PDE1A: variants seen among roughly 807,000 people sequenced by gnomAD.
PDE1A encodes dual specificity calcium/calmodulin-dependent 3',5'-cyclic nucleotide phosphodiesterase 1A.
PDE1A carries 35 observed loss-of-function variants against 61.7 expected under a neutral mutation model. The ratio of observed to expected loss-of-function variants is 0.57; its 90% CI spans 0.43 to 0.75. PDE1A has a LOEUF of 0.75. PDE1A is among the 30% of genes least tolerant of loss of function. The probability of loss-of-function intolerance (pLI) is 0.00; values close to 1 mark genes in which losing one functional copy is unlikely to be tolerated. For missense variants in PDE1A, 597 were observed against 630.6 expected (o/e 0.95, Z 0.57); for synonymous variants, 232 against 213.2 (o/e 1.09, Z -0.77).
chr2:182,698,735 T>A, the PDE1A span, among the ~76,000 whole-genome samples: 2 of 152,200 alleles, frequency 1.3e-5, no homozygotes, highest in East Asian at 3.8e-4. Flanking sequence ...CCTATTCTTA[T>A]GGAAAAAATA....
chr2:182,587,598 CA>C, the PDE1A span, among the ~76,000 whole-genome samples: 5 of 152,122 alleles, frequency 3.3e-5, no homozygotes, highest in Admixed American at 6.5e-5. Flanking sequence ...TTAGTTCTTT[CA>C]GAATATAAAG....
the PDE1A span, among the ~76,000 whole-genome samples, chr2:182,697,931 A>C: frequency 3.9e-5 from 6 of 152,224 alleles, no homozygotes; most frequent in Non-Finnish European, 7.3e-5. Flanking sequence ...CATTCCAATA[A>C]TAATAAATTT....
downstream of PDE1A, among the ~76,000 whole-genome samples, chr2:182,166,613 G>T (rs1691665323): frequency 6.6e-6 from 1 of 152,124 alleles, no homozygotes; most frequent in South Asian, 2.1e-4. Flanking sequence ...TCTCCAGCTT[G>T]CAGATGGCCC....
At chr2:182,579,608 T>C in the PDE1A span, among the ~76,000 whole-genome samples, 1 of 152,124 alleles carries the variant, frequency 6.6e-6, no homozygotes, top group Non-Finnish European at 1.5e-5. Context: ...TATGAGTATA[T>C]AGAGCCACTT....
At chr2:182,624,112 G>A in the PDE1A span, among the ~76,000 whole-genome samples, 12 of 132,320 alleles carry the variant, frequency 9.1e-5, no homozygotes, top group African/African-American at 3.1e-4. Flanking sequence ...GGGACAGAGC[G>A]AGACTCCGTC....
At chr2:182,632,998 T>C in the PDE1A span, among the ~76,000 whole-genome samples, 1 of 152,232 alleles carries the variant, frequency 6.6e-6, no homozygotes, top group Non-Finnish European at 1.5e-5. Flanking sequence ...GATTATGCTG[T>C]ATCCATTTAG....
chr2:182,209,384 C>G (rs1167239928), intron 7 of PDE1A, among the ~76,000 whole-genome samples: 1 of 151,936 alleles, frequency 6.6e-6, no homozygotes, highest in Non-Finnish European at 1.5e-5. Context: ...GTCTCTCCCA[C>G]AACACATGGG....
intron 13 of PDE1A, among the ~76,000 whole-genome samples, chr2:182,180,051 C>A (rs1574585976): frequency 6.6e-6 from 1 of 152,052 alleles, no homozygotes; most frequent in Non-Finnish European, 1.5e-5. Context: ...AATCTCAATG[C>A]AATTGTAATA....
At chr2:182,453,387 C>T (rs1186958517) in intron 2 of PDE1A, among the ~76,000 whole-genome samples, 1 of 151,804 alleles carries the variant, frequency 6.6e-6, no homozygotes, top group Non-Finnish European at 1.5e-5. Context: ...ACACATGATG[C>T]CCGATTTGGT....
At chr2:182,572,417 T>C in the PDE1A span, among the ~76,000 whole-genome samples, 2 of 152,184 alleles carry the variant, frequency 1.3e-5, no homozygotes, top group East Asian at 3.9e-4. Flanking sequence ...AACTGGCTCT[T>C]TCTTCTCATG....
the PDE1A span, among the ~76,000 whole-genome samples, chr2:182,663,074 GA>G: frequency 6.6e-6 from 1 of 151,880 alleles, no homozygotes; most frequent in Non-Finnish European, 1.5e-5. Context: ...ATGACCATAT[GA>G]AAAAAAGGTC....
chr2:182,534,261 G>A, the PDE1A span, among the ~76,000 whole-genome samples: 6 of 150,060 alleles, frequency 4.0e-5, no homozygotes, highest in African/African-American at 1.5e-4. Flanking sequence ...GCCAATCCCT[G>A]TTTTTTTTTC....
chr2:182,150,824 T>C (rs1690738857), intron 13 of PDE1A, among the ~76,000 whole-genome samples: 1 of 152,202 alleles, frequency 6.6e-6, no homozygotes, highest in South Asian at 2.1e-4. Context: ...TTTTACCATA[T>C]TAGAATCATA....
chr2:182,227,326 T>C (rs909986677), intron 6 of PDE1A, among the ~76,000 whole-genome samples: 1 of 152,002 alleles, frequency 6.6e-6, no homozygotes, highest in African/African-American at 2.4e-5. Flanking sequence ...ACAGAAAAAG[T>C]AAATATGTGT....
the PDE1A span, among the ~76,000 whole-genome samples, chr2:182,618,157 A>G: frequency 2.6e-5 from 4 of 152,228 alleles, no homozygotes; most frequent in Non-Finnish European, 2.9e-5. Context: ...CTGAAAATAA[A>G]TGCCATCAAG....
At chr2:182,287,530 C>CA (rs1694247756) in intron 1 of PDE1A, among the ~76,000 whole-genome samples, 1 of 152,110 alleles carries the variant, frequency 6.6e-6, no homozygotes, top group Admixed American at 6.6e-5. Flanking sequence ...CTGTTTGGCA[C>CA]AGGGCTACTT....
At chr2:182,532,624 C>T in the PDE1A span, among the ~76,000 whole-genome samples, 3 of 152,156 alleles carry the variant, frequency 2.0e-5, no homozygotes, top group African/African-American at 7.2e-5. Flanking sequence ...ATTGCATCAC[C>T]TGGTATGTTT....
At chr2:182,389,217 A>G (rs1701283796) in intron 1 of PDE1A, among the ~76,000 whole-genome samples, 1 of 152,212 alleles carries the variant, frequency 6.6e-6, no homozygotes, top group East Asian at 1.9e-4. Flanking sequence ...TTAACTAAAG[A>G]AAAATGAGTG....
chr2:182,631,645 CAT>C, the PDE1A span, among the ~76,000 whole-genome samples: 1 of 152,210 alleles, frequency 6.6e-6, no homozygotes, highest in Non-Finnish European at 1.5e-5. Flanking sequence ...AAAGCACTTT[CAT>C]ATGATAGGAT....
Sources: gnomAD v4.1 joint callset for allele counts (sites outside exome capture counted in the v4.1 genomes callset) on GRCh38, gnomAD v4.1.1 for gene constraint, MANE v1.5 for transcripts, NCBI Gene and HGNC (gene_info 2026-07-23, HGNC 2026-07-21) for gene names.